Variants in EPHA10 observed in about 807,000 individuals in gnomAD.
The protein encoded by EPHA10 is ephrin type-A receptor 10.
Under a neutral mutation model 109.7 loss-of-function variants are expected in EPHA10, and 120 were observed. The observed-to-expected ratio is 1.09, with a 90% confidence interval of 0.94 to 1.27. The LOEUF is 1.27. EPHA10 is among the 50% of genes most tolerant of loss of function. EPHA10 has a pLI of 0.00. For missense variants in EPHA10, 1,396 were observed against 1,411.1 expected, an observed-to-expected ratio of 0.99 and a Z score of 0.17; for synonymous variants, 640 against 618.9, an observed-to-expected ratio of 1.03 and a Z score of -0.51.
chr1:37,765,036 G>C lies in EPHA10; in HGVS notation c.31C>G (p.Arg11Gly). The change falls in exon 1 of 17, where the codon CGC (arginine) becomes GGC (glycine). Residue 11 changes from arginine (R) to glycine (G), a missense_variant. By Grantham distance (125) the Arg-to-Gly change is moderately radical. Coordinates refer to ENST00000373048, the MANE Select transcript of EPHA10 (RefSeq NM_001099439.2). METCAGPHPL[R>G]LFLCRMQLCL... is the part of the protein sequence containing the mutation. ...AGCTGCATCCGGCAGAGGAAGAGGCGCAGCGGGTGTGGACCGGCGCAGGTC... is the reference window on the plus strand; with the variant it reads ...AGCTGCATCCGGCAGAGGAAGAGGCCCAGCGGGTGTGGACCGGCGCAGGTC... 1 of 1,608,626 alleles carries C rather than the reference G, an allele frequency of 6.2e-7. No individual in the cohort carries two copies. Among genetic ancestry groups the C allele is most frequent in the African/African-American group, 1.3e-5 (1 of 75,030 alleles).
Position 37,764,538 on chromosome 1 carries a change from T to C in EPHA10, c.106+423A>G, listed in dbSNP as rs185876532. On this transcript the variant is annotated intron_variant, in intron 1 of 16. Coordinates refer to ENST00000373048, the MANE Select transcript of EPHA10 (RefSeq NM_001099439.2). This position sits in a 1 kb window ranked among gnomAD's most constrained non-coding sequence, Gnocchi z 5.8. The stretch of plus-strand genomic sequence containing the variant: ...CCCTCGACCAGCATTCCACCTTCTG[T>C]TGGCCACACTGTGGTCTCCTAGCCC... Among the ~76,000 whole-genome samples the C allele has an allele frequency of 4.6e-5, 7 of 152,240 alleles. No homozygotes were observed. The highest frequency in any genetic ancestry group is 3.3e-4 in the Admixed American group (5 of 15,290).
intron 5 of EPHA10, among the ~76,000 whole-genome samples, chr1:37,749,240 T>C (rs1646286616): frequency 1.3e-5 from 2 of 151,660 alleles, no homozygotes; most frequent in Non-Finnish European, 1.5e-5. Flanking sequence ...AATGAATTAA[T>C]GTAGAAAATC....
rs749099942 is a variant in EPHA10 at position 37,731,455 on chromosome 1, G to T, written c.1619C>A (p.Ala540Asp). 32 of 1,613,386 alleles carry T rather than the reference G, an allele frequency of 2.0e-5. No homozygotes were observed. The highest frequency in any genetic ancestry group is 1.9e-5 in the Non-Finnish European group (23 of 1,179,704). The change falls in exon 7 of 17, where the codon GCC (alanine) becomes GAC (aspartate). Residue 540 changes from alanine (A) to aspartate (D), a missense_variant. By Grantham distance (126) the Ala-to-Asp change is moderately radical. Transcript: ENST00000373048. ...TTCAATGCTGGGGTTAAAACTCTGG[G>T]CCTCCCAGGATGGCCCCGGGGAAGC... ...RAASPGPSWE[A>D]QSFNPSIEVQ...
chr1:37,728,291 C>T (rs986183067), intron 7 of EPHA10, among the ~76,000 whole-genome samples: 11 of 152,064 alleles, frequency 7.2e-5, no homozygotes, highest in Admixed American at 2.6e-4. Context: ...GCCTTGAACG[C>T]TAAGCTAAGG....
intron 8 of EPHA10, among the ~76,000 whole-genome samples, chr1:37,726,761 G>C (rs1371277058): frequency 1.3e-5 from 2 of 152,240 alleles, no homozygotes; most frequent in East Asian, 1.9e-4. Context: ...GAGGCCCGGG[G>C]ACAGGGGCTG....
chr1:37,763,118 C>T (rs1196787828), intron 1 of EPHA10, among the ~76,000 whole-genome samples: 2 of 152,130 alleles, frequency 1.3e-5, no homozygotes, highest in Non-Finnish European at 2.9e-5. Flanking sequence ...TGGCTTAAAA[C>T]AACACAATAT....
At chr1:37,736,848 G>A (rs190820878) in intron 5 of EPHA10, among the ~76,000 whole-genome samples, 197 of 152,200 alleles carry the variant, frequency 1.3e-3, no homozygotes, top group Non-Finnish European at 2.5e-3. Flanking sequence ...TCCCACTTAC[G>A]ATAGCATCAA....
rs756285645 is a variant in EPHA10 at position 37,721,761 on chromosome 1, C to T, written c.2045G>A (p.Ser682Asn). The change falls in exon 11 of 17, where the codon AGC becomes AAC. Residue 682 changes from serine (S) to asparagine (N), a missense_variant. Physicochemically the swap from Ser to Asn is conservative, Grantham distance 46. Coordinates refer to ENST00000373048, the MANE Select transcript of EPHA10 (RefSeq NM_001099439.2). ...GCCGAGCCTCTGTGAGTCGGAGGCGCTGTCCCTCAGCATATGCACGGCTAC... is the reference window on the plus strand; with the variant it reads ...GCCGAGCCTCTGTGAGTCGGAGGCGTTGTCCCTCAGCATATGCACGGCTAC... Reference protein sequence around the residue: ...LLVAVHMLRDSASDSQRLGFL... With the variant: ...LLVAVHMLRDNASDSQRLGFL... 6.2e-7 allele frequency: 1 copy of T among 1,612,666 alleles called. No individual in the cohort carries two copies. The highest frequency in any genetic ancestry group is 8.5e-7 in the Non-Finnish European group (1 of 1,179,838).
chr1:37,732,428 C>T (rs1645999878), intron 6 of EPHA10, among the ~76,000 whole-genome samples: 1 of 152,278 alleles, frequency 6.6e-6, no homozygotes, highest in East Asian at 1.9e-4. Flanking sequence ...AGAGGCCCTG[C>T]CATATCCACA....
chr1:37,752,664 C>G (rs531155181), intron 5 of EPHA10, among the ~76,000 whole-genome samples: 1 of 152,134 alleles, frequency 6.6e-6, no homozygotes, highest in Non-Finnish European at 1.5e-5. Context: ...CGCCTGCATC[C>G]TCAGTCCCTC....
intron 3 of EPHA10, among the ~76,000 whole-genome samples, chr1:37,759,044 C>T (rs56255580): frequency 0.22 from 33,780 of 152,176 alleles, 4,388 homozygotes; most frequent in Non-Finnish European, 0.28. Context: ...TAGTTCAGCC[C>T]TTGTGCTCTT....
intron 2 of EPHA10, among the ~76,000 whole-genome samples, chr1:37,762,543 C>G (rs1277528221): frequency 1.3e-5 from 2 of 151,122 alleles, no homozygotes; most frequent in East Asian, 3.9e-4. Context: ...CCAGATGCCA[C>G]ATTTCTGTTC....
intron 3 of EPHA10, among the ~76,000 whole-genome samples, chr1:37,755,697 C>T (rs951379755): frequency 1.3e-5 from 2 of 152,178 alleles, no homozygotes; most frequent in African/African-American, 4.8e-5. Flanking sequence ...TGTAAACCAC[C>T]TAGCCCAGTA....
chr1:37,750,398 A>G (rs565110594), intron 5 of EPHA10, among the ~76,000 whole-genome samples: 2 of 152,348 alleles, frequency 1.3e-5, no homozygotes, highest in East Asian at 3.8e-4. Context: ...ACTGTTCCAG[A>G]AACCCAGACA....
chr1:37,761,489 A>T lies in EPHA10; in HGVS notation c.766T>A (p.Cys256Ser). 1 of 1,600,292 alleles carries T rather than the reference A, an allele frequency of 6.2e-7. No homozygotes were observed. The highest frequency in any genetic ancestry group is 8.5e-7 in the Non-Finnish European group (1 of 1,179,164). The change falls in exon 3 of 17, where the codon TGC (cysteine) becomes AGC (serine). Residue 256 changes from cysteine (C) to serine (S), a missense_variant. By Grantham distance (112) the Cys-to-Ser change is moderately radical. Coordinates refer to ENST00000373048, the MANE Select transcript of EPHA10 (RefSeq NM_001099439.2). Reference sequence around the variant, plus strand: ...ACCAGCCACTCGCCGTCGGCGCCGCAGTGCATGCGTGGGGGGCTGCCAGGC... The same window carrying T: ...ACCAGCCACTCGCCGTCGGCGCCGCTGTGCATGCGTGGGGGGCTGCCAGGC... Reference protein sequence around the residue: ...GEPGSPPRMHCGADGEWLVPV... With the variant: ...GEPGSPPRMHSGADGEWLVPV...
At chr1:37,727,976 G>A (rs767434074) in intron 7 of EPHA10, among the ~76,000 whole-genome samples, 7 of 152,148 alleles carry the variant, frequency 4.6e-5, no homozygotes, top group South Asian at 2.1e-4. Flanking sequence ...ATGGGCCTAC[G>A]GGTGAGACAG....
At position 37,721,427 on chromosome 1, in the gene EPHA10, C is replaced by CA. The variant is rs71053991; in HGVS notation, c.2146+232dup. Among the ~76,000 whole-genome samples the CA allele has an allele frequency of 3.6e-3, 341 of 94,128 alleles. 3 individuals are homozygous for CA. The highest frequency in any genetic ancestry group is 7.4e-3 in the African/African-American group (195 of 26,392). 61.8% of individuals were successfully genotyped at this position (94,128 alleles called of 152,430 possible). On this transcript the variant is annotated intron_variant, in intron 11 of 16. Transcript: ENST00000373048. ...TGGGCAACAGAGCGAGACTCCATCT[C>CA]AAAAAAAAAAAAAAAGAAAGAAAGA...
intron 6 of EPHA10, 80 bp downstream of exon 6, chr1:37,735,177 G>A: frequency 6.5e-7 from 1 of 1,526,846 alleles, no homozygotes; most frequent in South Asian, 1.2e-5. Flanking sequence ...GGCTTTTGCT[G>A]GGAGGATGGC....
chr1:37,716,590 G>A lies in EPHA10; in HGVS notation c.*1782C>T. On this transcript the variant is annotated 3_prime_UTR_variant, in exon 17 of 17. Coordinates refer to ENST00000373048, the MANE Select transcript of EPHA10 (RefSeq NM_001099439.2). ...GGGAGATTCCAAGAGCAGGGGAGCT[G>A]CTGCTGGCAGGGTAAGGCCAAAGGC... is the stretch of plus-strand genomic sequence containing the variant. 4.3e-6 allele frequency: 1 copy of A among 232,762 alleles called. No individual in the cohort carries two copies. The highest frequency in any genetic ancestry group is 6.1e-5 in the East Asian group (1 of 16,452). 14.4% of individuals were successfully genotyped at this position (232,762 alleles called of 1,614,324 possible).
Sources: allele counts gnomAD v4.1 joint callset (sites outside exome capture counted in the v4.1 genomes callset), GRCh38; gene constraint gnomAD v4.1.1; non-coding constraint Gnocchi (gnomAD v3.1); transcripts MANE v1.5; gene names NCBI Gene and HGNC (gene_info 2026-07-23, HGNC 2026-07-21).